LARP6: variants seen among roughly 807,000 people sequenced by gnomAD.
LARP6 encodes the protein la-related protein 6.
LARP6 carries 18 observed loss-of-function variants against 32.8 expected under a neutral mutation model. The observed-to-expected ratio is 0.55, with a 90% CI of 0.38 to 0.81. The LOEUF is 0.81. Ranked by LOEUF, LARP6 falls within the 40% of genes least tolerant of loss-of-function variation. LARP6 has a pLI of 0.00. For missense variants in LARP6, 598 were observed against 663.1 expected (o/e 0.90, Z 1.08); for synonymous variants, 289 against 267.2 (o/e 1.08, Z -0.80).
chr15:70,851,769 C>T (rs557174679), intron 1 of LARP6: 2 of 1,613,060 alleles, frequency 1.2e-6, no homozygotes, highest in East Asian at 2.2e-5. Context: ...AGGTGCTAGG[C>T]ATAAAATGTA....
intron 1 of LARP6, among the ~76,000 whole-genome samples, chr15:70,843,054 T>C (rs965468260): frequency 6.6e-6 from 1 of 152,192 alleles, no homozygotes; most frequent in Non-Finnish European, 1.5e-5. Context: ...GTCAACTTAT[T>C]GCCGATTACA....
Position 70,832,976 on chromosome 15 carries a change from C to T in LARP6, c.552G>A (p.Lys184=), listed in dbSNP as rs2141048574. 6.2e-7 allele frequency: 1 copy of T among 1,611,304 alleles called. No individual in the cohort carries two copies. The highest frequency in any genetic ancestry group is 8.5e-7 in the Non-Finnish European group (1 of 1,178,590). The change falls in exon 3 of 3, where the codon AAG becomes AAA. Residue 184 remains lysine, a synonymous_variant. Transcript: ENST00000299213. ...PLFPNENLPS[K]MLLVYDLYLS... is the part of the protein sequence containing the mutation. ...AGTAGAGATCATAGACCAGGAGCAT[C>T]TTGCTGGGGAGGTTCTCGTTGGGGA...
At chr15:70,844,914 C>T (rs529556448) in intron 1 of LARP6, among the ~76,000 whole-genome samples, 1 of 152,232 alleles carries the variant, frequency 6.6e-6, no homozygotes, top group African/African-American at 2.4e-5. Context: ...CCTCTGTATC[C>T]TTTGGGGTCA....
intron 1 of LARP6, among the ~76,000 whole-genome samples, chr15:70,843,647 G>GTTTTTTTTT (rs2032295269): frequency 7.8e-6 from 1 of 128,596 alleles, no homozygotes. Context: ...TGGTTTTGGT[G>GTTTTTTTTT]TCTTTTTTTT....
chr15:70,836,170 A>T, intron 2 of LARP6, 125 bp downstream of exon 2: 1 of 733,510 alleles, frequency 1.4e-6, no homozygotes, highest in Admixed American at 2.7e-5. Context: ...TCTCTTTTTC[A>T]GGCACAGACT....
chr15:70,836,206 G>T lies in LARP6; in HGVS notation c.411+89C>A, dbSNP rs2141050212. 2.8e-6 allele frequency: 3 copies of T among 1,070,554 alleles called. No homozygotes were observed. The East Asian group carries it at 7.1e-5, about 25-fold the overall frequency. The allele number at this position is 1,070,554 out of a possible 1,614,324, so 66.3% of individuals were successfully genotyped here. A position where few individuals can be genotyped will look rare whatever the true frequency, so the allele number is the denominator to read the frequency against. On this transcript the variant is annotated intron_variant, in intron 2 of 2. Coordinates refer to ENST00000299213, the MANE Select transcript of LARP6 (RefSeq NM_018357.4). ...TAATTTTAAAAATTGTTCGTCATCA[G>T]GTTTCAAGGGAGTTAAAAAAAATGT...
intron 1 of LARP6, chr15:70,851,712 C>A (rs1373654335): frequency 1.9e-6 from 3 of 1,614,038 alleles, no homozygotes; most frequent in Non-Finnish European, 2.5e-6. Flanking sequence ...ATTCACCGAG[C>A]TCCTATTCCT....
Position 70,831,934 on chromosome 15 carries a change from A to G in LARP6, c.*118T>C. 1 of 705,372 alleles carries G rather than the reference A, an allele frequency of 1.4e-6. No homozygotes were observed. Among genetic ancestry groups the G allele is most frequent in the Non-Finnish European group, 2.3e-6 (1 of 427,208 alleles). The allele number at this position is 705,372 out of a possible 1,614,324, so 43.7% of individuals were successfully genotyped here. ...TACAGATAGATAAATTAAGAGGTCTACATGAATAAAAAATCTCTCAAAGGG... is the reference window on the plus strand; with the variant it reads ...TACAGATAGATAAATTAAGAGGTCTGCATGAATAAAAAATCTCTCAAAGGG... On this transcript the variant is annotated 3_prime_UTR_variant, in exon 3 of 3. Coordinates refer to ENST00000299213, the MANE Select transcript of LARP6 (RefSeq NM_018357.4).
In LARP6 at chr15:70,832,732, C is replaced by A; in HGVS notation, c.796G>T (p.Val266Leu). ...TCATGGGCTTTGATGGCTGCTTCCA[C>A]CTCCTCGAACTCCACGATGGCGCAC... is the stretch of plus-strand genomic sequence containing the variant. ...QECAIVEFEE[V>L]EAAIKAHEFM... The change falls in exon 3 of 3, where the codon GTG becomes TTG. Residue 266 changes from valine to leucine, a missense_variant. Physicochemically the swap from Val to Leu is conservative, Grantham distance 32 (BLOSUM62 1). This residue lies in a region of LARP6 where 368 missense variants were observed against 397.9 expected (regional missense o/e 0.92). Coordinates refer to ENST00000299213, the MANE Select transcript of LARP6 (RefSeq NM_018357.4). 6.3e-7 allele frequency: 1 copy of A among 1,596,162 alleles called. No individual in the cohort carries two copies. The highest frequency in any genetic ancestry group is 8.5e-7 in the Non-Finnish European group (1 of 1,173,228).
At chr15:70,839,578 T>C (rs2032213905) in intron 1 of LARP6, among the ~76,000 whole-genome samples, 1 of 152,112 alleles carries the variant, frequency 6.6e-6, no homozygotes, top group African/African-American at 2.4e-5. Flanking sequence ...ACTTTCTCAA[T>C]TGCCTTTCCT....
At chr15:70,847,409 G>A (rs554525942) in intron 1 of LARP6, among the ~76,000 whole-genome samples, 13 of 150,508 alleles carry the variant, frequency 8.6e-5, no homozygotes, top group Admixed American at 4.0e-4. Context: ...TCACTCTATC[G>A]CCTAGGCTGG....
At position 70,833,798 on chromosome 15, in the gene LARP6, C is replaced by T. The variant is rs922702535; in HGVS notation, c.412-682G>A. Among the ~76,000 whole-genome samples the T allele has an allele frequency of 3.9e-5, 6 of 152,318 alleles. No homozygotes were observed. In the East Asian group the frequency reaches 7.7e-4, roughly 20 times the overall value. On this transcript the variant is annotated intron_variant, in intron 2 of 2. Transcript: ENST00000299213. Reference sequence around the variant, plus strand: ...ACAGAGAAGTTTCCAAAAGATCTTTCGCATTTCACTGCAATATCTCCTGAG... The same window carrying T: ...ACAGAGAAGTTTCCAAAAGATCTTTTGCATTTCACTGCAATATCTCCTGAG...
rs190910604 is a variant in LARP6, at chr15:70,853,669, C to T, written c.200+220G>A. ...GCCCCTCAGATCCCGGCCGCCAGCC[C>T]TGGGAGCCTCGGTTGGGCGACGAAG... On this transcript the variant is annotated intron_variant, in intron 1 of 2. Coordinates refer to ENST00000299213, the MANE Select transcript of LARP6 (RefSeq NM_018357.4). 4.2e-3 allele frequency: 1,426 copies of T among 338,514 alleles called. 10 individuals are homozygous for T. Among genetic ancestry groups the T allele is most frequent in the Admixed American group, 0.011 (221 of 20,514 alleles). 21.0% of individuals were successfully genotyped at this position (338,514 alleles called of 1,614,324 possible).
chr15:70,851,832 G>A, intron 1 of LARP6: 1 of 1,545,446 alleles, frequency 6.5e-7, no homozygotes. Context: ...TCTGGGGTGG[G>A]GATTGGGGGT....
In LARP6 at chr15:70,830,645, C is replaced by T; in HGVS notation, c.*1407G>A. On this transcript the variant is annotated 3_prime_UTR_variant, in exon 3 of 3. Transcript: ENST00000299213. ...GAATAAAATAGAGATAATACCTGAACATTTCTCTTGTAGTTTTTGGGCAGA... is the reference window on the plus strand; with the variant it reads ...GAATAAAATAGAGATAATACCTGAATATTTCTCTTGTAGTTTTTGGGCAGA... 6.6e-6 allele frequency: 1 copy of T among 152,204 alleles called. No homozygotes were observed. Among genetic ancestry groups the T allele is most frequent in the East Asian group, 1.9e-4 (1 of 5,206 alleles). 9.4% of individuals were successfully genotyped at this position (152,204 alleles called of 1,614,324 possible).
rs781080646 is a variant in LARP6, at chr15:70,832,841, T to G, written c.687A>C (p.Ser229=). ...CTCTCCCAGGTTTGAGGATCCGCAC[T>G]GATGAGATGACTCCAAAAGTCCCAA... is the stretch of plus-strand genomic sequence containing the variant. ...KLFGTFGVIS[S]VRILKPGREL... is the part of the protein sequence containing the mutation. Residue 229 remains serine (S), a synonymous_variant, in exon 3 of 3, where the codon TCA becomes TCC. Transcript: ENST00000299213. The G allele has an allele frequency of 5.0e-6, 8 of 1,612,832 alleles. No individual in the cohort carries two copies. The highest frequency in any genetic ancestry group is 1.7e-4 in the Middle Eastern group (1 of 6,044).
Position 70,833,063 on chromosome 15 carries a change from T to C in LARP6, c.465A>G (p.Ser155=), listed in dbSNP as rs1388131673. 1.2e-6 allele frequency: 2 copies of C among 1,614,060 alleles called. No individual in the cohort carries two copies. The highest frequency in any genetic ancestry group is 4.5e-5 in the East Asian group (2 of 44,898). Residue 155 remains serine (S), a synonymous_variant, in exon 3 of 3, where the codon TCA becomes TCG. Transcript: ENST00000299213. ...WRTTAHALKY[S]VVLELNEDHR... ...GGTCCTCATTCAACTCAAGGACCACTGAATACTTCAAAGCATGTGCTGTGG... is the reference window on the plus strand; with the variant it reads ...GGTCCTCATTCAACTCAAGGACCACCGAATACTTCAAAGCATGTGCTGTGG...
At chr15:70,836,982 T>C (rs1567020858) in intron 1 of LARP6, among the ~76,000 whole-genome samples, 1 of 152,174 alleles carries the variant, frequency 6.6e-6, no homozygotes, top group Non-Finnish European at 1.5e-5. Flanking sequence ...ACAGCAGCCC[T>C]AGGAATTGAC....
chr15:70,852,482 CA>C (rs2032496740), intron 1 of LARP6: 3 of 262,986 alleles, frequency 1.1e-5, no homozygotes, highest in Non-Finnish European at 2.3e-5. Flanking sequence ...ATTTAGCCCT[CA>C]GGATAGGGAT....
Sources: allele counts gnomAD v4.1 joint callset (sites outside exome capture counted in the v4.1 genomes callset), GRCh38; gene constraint gnomAD v4.1.1; regional missense constraint gnomAD v4.1.1; transcripts MANE v1.5; gene names NCBI Gene and HGNC (gene_info 2026-07-23, HGNC 2026-07-21).